The following CSPP1 variants were observed in gnomAD, a reference collection of about 807,000 sequenced individuals.
CSPP1 encodes the protein centrosome and spindle pole associated protein 1, also known as centrosome and spindle pole-associated protein 1.
In CSPP1, 126 loss-of-function variants were observed where a neutral mutation model predicts 164.4. The observed-to-expected ratio is 0.77, with a 90% CI of 0.66 to 0.89. The LOEUF is 0.89. Among genes scored for constraint, CSPP1 ranks in the 40% least tolerant of loss-of-function variants. The pLI is 0.00. For synonymous variants in CSPP1, 472 were observed against 476.7 expected, an observed-to-expected ratio of 0.99 and a Z score of 0.13; for missense variants, 1,395 against 1,449.8, an observed-to-expected ratio of 0.96 and a Z score of 0.61.
At chr8:67,072,844 T>G (rs1807094102) in intron 1 of CSPP1, among the ~76,000 whole-genome samples, 1 of 135,126 alleles carries the variant, frequency 7.4e-6, no homozygotes, top group Admixed American at 8.4e-5. Flanking sequence ...CTCTCTAGCC[T>G]GTGAAACAAC....
chr8:67,094,621 G>A (rs1320753946), intron 6 of CSPP1, among the ~76,000 whole-genome samples: 1 of 151,902 alleles, frequency 6.6e-6, no homozygotes, highest in Non-Finnish European at 1.5e-5. Flanking sequence ...AAAATATATG[G>A]GTGATTAATG....
chr8:67,194,431 A>T (rs991778691), intron 30 of CSPP1, among the ~76,000 whole-genome samples: 1 of 152,234 alleles, frequency 6.6e-6, no homozygotes, highest in African/African-American at 2.4e-5. Flanking sequence ...TTCCACACCA[A>T]ACACAAAGCA....
intron 29 of CSPP1, 54 bp downstream of exon 29, chr8:67,190,813 G>A: frequency 7.9e-7 from 1 of 1,263,136 alleles, no homozygotes; most frequent in South Asian, 1.2e-5. Flanking sequence ...AGAGGTCTGG[G>A]TTCTGACCTG....
chr8:67,187,363 G>A (rs1164883895), intron 28 of CSPP1, among the ~76,000 whole-genome samples: 1 of 152,154 alleles, frequency 6.6e-6, no homozygotes, highest in East Asian at 1.9e-4. Flanking sequence ...TGAAAGAACA[G>A]ACAAATAGAC....
chr8:67,104,129 A>G lies in CSPP1; in HGVS notation c.1022+994A>G, dbSNP rs1814812268. Among the ~76,000 whole-genome samples, 5 of 152,200 alleles carry G rather than the reference A, an allele frequency of 3.3e-5. No homozygotes were observed. In the South Asian group the frequency reaches 1.0e-3, roughly 32 times the overall value. On this transcript the variant is annotated intron_variant, in intron 8 of 30. Transcript: ENST00000678616. ...GTGAAGATAATGTCATATGTCAAGA[A>G]AGATGTCTATTTTTTTCTAAGAAAA...
Position 67,161,885 on chromosome 8 carries a change from A to G in CSPP1, c.2613A>G (p.Ser871=), listed in dbSNP as rs1828428392. The G allele has an allele frequency of 6.2e-7, 1 of 1,611,576 alleles. No homozygotes were observed. Among genetic ancestry groups the G allele is most frequent in the African/African-American group, 1.3e-5 (1 of 74,848 alleles). The part of the protein sequence containing the change: ...KIASKLQRPP[S]VDSIIRSFIH... ...CAAGCAAACTCCAAAGACCTCCTTCAGTTGACAGCATCATACGTTCCTTTA... is the reference window on the plus strand; with the variant it reads ...CAAGCAAACTCCAAAGACCTCCTTCGGTTGACAGCATCATACGTTCCTTTA... The change falls in exon 22 of 31, where the codon TCA becomes TCG. Residue 871 remains serine, a synonymous_variant. Coordinates refer to ENST00000678616, the MANE Select transcript of CSPP1 (RefSeq NM_001382391.1).
In CSPP1 at chr8:67,159,852, T is replaced by C. The variant is rs71515056; in HGVS notation, c.2538+715T>C. ...TCTCTTTCTTTCTTTCTTTCTTTCTTTTTCTTTCTTTCTTTCTTTCTTTCT... is the reference window on the plus strand; with the variant it reads ...TCTCTTTCTTTCTTTCTTTCTTTCTCTTTCTTTCTTTCTTTCTTTCTTTCT... On this transcript the variant is annotated intron_variant, in intron 21 of 30. Transcript: ENST00000678616. Among the ~76,000 whole-genome samples the C allele has an allele frequency of 3.8e-3, 180 of 47,610 alleles. 4 individuals carry two copies. Among genetic ancestry groups the C allele is most frequent in the East Asian group, 8.7e-3 (16 of 1,836 alleles). The allele number at this position is 47,610 out of a possible 152,430, so 31.2% of individuals were successfully genotyped here. A position where few individuals can be genotyped will look rare whatever the true frequency, so the allele number is the denominator to read the frequency against.
intron 3 of CSPP1, among the ~76,000 whole-genome samples, chr8:67,082,198 C>T (rs1809351532): frequency 6.6e-6 from 1 of 152,180 alleles, no homozygotes; most frequent in South Asian, 2.1e-4. Context: ...CAGGTGCCTG[C>T]CACCACACCC....
chr8:67,103,795 G>C (rs999491601), intron 8 of CSPP1, among the ~76,000 whole-genome samples: 1 of 138,752 alleles, frequency 7.2e-6, no homozygotes, highest in Non-Finnish European at 1.5e-5. Context: ...AGCCGAGATC[G>C]CACCACTGCA....
chr8:67,188,470 G>T (rs567234975), intron 28 of CSPP1, among the ~76,000 whole-genome samples: 1 of 152,292 alleles, frequency 6.6e-6, no homozygotes, highest in East Asian at 1.9e-4. Flanking sequence ...ATCATATATC[G>T]CCTGAGAGCA....
At chr8:67,157,369 C>T (rs1320372519) in intron 19 of CSPP1, among the ~76,000 whole-genome samples, 1 of 151,768 alleles carries the variant, frequency 6.6e-6, no homozygotes, top group Non-Finnish European at 1.5e-5. Flanking sequence ...AATCTCGGCT[C>T]ACTGCAACCT....
chr8:67,161,609 C>T (rs1274975630), intron 21 of CSPP1, among the ~76,000 whole-genome samples: 1 of 151,894 alleles, frequency 6.6e-6, no homozygotes, highest in Non-Finnish European at 1.5e-5. Context: ...ATGTCTAAAT[C>T]CATTTATGTT....
intron 21 of CSPP1, among the ~76,000 whole-genome samples, chr8:67,160,021 CTTTTCTTTTCT>C (rs1470540851): frequency 1.1e-4 from 7 of 61,382 alleles, no homozygotes; most frequent in Non-Finnish European, 2.0e-4. Flanking sequence ...CTTTTCTTTT[CTTTTCTTTTCT>C]TTTTCTTTTT....
At chr8:67,088,132 A>G (rs573759024) in intron 4 of CSPP1, among the ~76,000 whole-genome samples, 29 of 152,162 alleles carry the variant, frequency 1.9e-4, no homozygotes, top group African/African-American at 4.6e-4. Flanking sequence ...CTGGTATCAG[A>G]TATCTACCAT....
At chr8:67,192,934 A>G (rs181774692) in intron 29 of CSPP1, among the ~76,000 whole-genome samples, 4 of 152,280 alleles carry the variant, frequency 2.6e-5, no homozygotes, top group East Asian at 3.9e-4. Flanking sequence ...TTTGTGTCCT[A>G]TAATTCTCAA....
chr8:67,146,298 A>T (rs1401852661), intron 17 of CSPP1, among the ~76,000 whole-genome samples: 3 of 151,176 alleles, frequency 2.0e-5, no homozygotes, highest in African/African-American at 4.9e-5. Context: ...TAATTACAAA[A>T]TTTTTTTTAG....
intron 24 of CSPP1, among the ~76,000 whole-genome samples, chr8:67,170,217 G>A (rs1256330716): frequency 1.3e-5 from 2 of 151,226 alleles, no homozygotes; most frequent in Non-Finnish European, 2.9e-5. Flanking sequence ...GACTGAGGCG[G>A]ATGGATCACC....
At chr8:67,152,875 A>C (rs934655594) in intron 18 of CSPP1, among the ~76,000 whole-genome samples, 3 of 152,192 alleles carry the variant, frequency 2.0e-5, no homozygotes, top group Non-Finnish European at 4.4e-5. Flanking sequence ...CTGCAAAGCA[A>C]TTTGCCTATA....
At chr8:67,141,578 A>G (rs1188995766) in intron 17 of CSPP1, among the ~76,000 whole-genome samples, 2 of 152,112 alleles carry the variant, frequency 1.3e-5, no homozygotes, top group Non-Finnish European at 2.9e-5. Flanking sequence ...CCGGAGTGCA[A>G]TGATGCAATC....
Sources: gnomAD v4.1 joint callset for allele counts (sites outside exome capture counted in the v4.1 genomes callset) on GRCh38, gnomAD v4.1.1 for gene constraint, MANE v1.5 for transcripts, NCBI Gene and HGNC (gene_info 2026-07-23, HGNC 2026-07-21) for gene names.